AGBL1: variants seen among roughly 807,000 people sequenced by gnomAD.
The protein encoded by AGBL1 is cytosolic carboxypeptidase 4.
In AGBL1, 130 loss-of-function variants were observed where a neutral mutation model predicts 118.9. That is an observed-to-expected ratio of 1.09 (90% CI 0.95 to 1.26). The LOEUF (loss-of-function observed/expected upper bound fraction) is 1.26, where lower values mean the gene tolerates loss of function less well. Among genes scored for constraint, AGBL1 ranks in the 50% most tolerant of loss-of-function variants. The pLI is 0.00. For synonymous variants in AGBL1, 555 were observed against 478.9 expected, an observed-to-expected ratio of 1.16 and a Z score of -2.08; for missense variants, 1,584 against 1,298.1, an observed-to-expected ratio of 1.22 and a Z score of -3.38.
chr15:86,409,065 G>A (rs549883807), intron 18 of AGBL1, among the ~76,000 whole-genome samples: 1 of 152,192 alleles, frequency 6.6e-6, no homozygotes, highest in Admixed American at 6.5e-5. Flanking sequence ...AGAAGTAACT[G>A]TTTTCTGCCT....
At chr15:86,848,353 G>A (rs1360839587) in intron 22 of AGBL1, among the ~76,000 whole-genome samples, 1 of 152,152 alleles carries the variant, frequency 6.6e-6, no homozygotes, top group Non-Finnish European at 1.5e-5. Flanking sequence ...TAAAAACTGT[G>A]CCATATTAGA....
rs183811994 is a variant in AGBL1 at position 86,399,824 on chromosome 15, T to A, written c.2555+2278T>A. Among the ~76,000 whole-genome samples the A allele has an allele frequency of 6.1e-3, 928 of 152,316 alleles. 8 individuals carry two copies. The highest frequency in any genetic ancestry group is 0.021 in the African/African-American group (889 of 41,572). ...TTCTCCTTAGTGACACTGGCATTTA[T>A]CATCATTACCATTATTTATTATGAT... On this transcript the variant is annotated intron_variant, in intron 18 of 22. Transcript: ENST00000614907.
intron 21 of AGBL1, among the ~76,000 whole-genome samples, chr15:86,576,447 G>C (rs1171781243): frequency 6.6e-6 from 1 of 152,206 alleles, no homozygotes; most frequent in East Asian, 1.9e-4. Context: ...CAGCTGGATT[G>C]GTTATAGCTT....
In AGBL1 at chr15:86,257,002, A is replaced by G. The variant is rs2078907166; in HGVS notation, c.885A>G (p.Pro295=). 3.1e-6 allele frequency: 5 copies of G among 1,613,738 alleles called. No individual in the cohort carries two copies. The highest frequency in any genetic ancestry group is 4.2e-6 in the Non-Finnish European group (5 of 1,179,828). ...CCGGGTGCATCACCACTGAACCTCC[A>G]CATGATCTACCTGAAGGTAAAATAA... is the stretch of plus-strand genomic sequence containing the variant. The part of the protein sequence containing the change: ...PVPGCITTEP[P]HDLPEEDFED... Residue 295 remains proline, a synonymous_variant, in exon 8 of 23, where the codon CCA becomes CCG. Transcript: ENST00000614907.
chr15:86,265,694 C>T (rs1017292654), intron 11 of AGBL1, among the ~76,000 whole-genome samples: 1 of 152,180 alleles, frequency 6.6e-6, no homozygotes, highest in Non-Finnish European at 1.5e-5. Context: ...AAACAGATCA[C>T]AAGGGCTGTT....
At chr15:86,890,963 A>G (rs1364537153) in intron 22 of AGBL1, among the ~76,000 whole-genome samples, 1 of 152,186 alleles carries the variant, frequency 6.6e-6, no homozygotes, top group Non-Finnish European at 1.5e-5. Flanking sequence ...TGGAAATAGC[A>G]TTGAATCTAT....
At chr15:86,431,532 A>G (rs2081935838) in intron 18 of AGBL1, among the ~76,000 whole-genome samples, 1 of 152,226 alleles carries the variant, frequency 6.6e-6, no homozygotes, top group African/African-American at 2.4e-5. Flanking sequence ...TTCTGTCTCC[A>G]TAGGACAAAG....
intron 1 of AGBL1, among the ~76,000 whole-genome samples, chr15:86,100,287 T>C (rs1258250705): frequency 2.6e-5 from 4 of 152,160 alleles, no homozygotes; most frequent in African/African-American, 7.2e-5. Flanking sequence ...GCATGCAGTG[T>C]TCTTTTTCTG....
intron 18 of AGBL1, among the ~76,000 whole-genome samples, chr15:86,440,724 A>T (rs1331865326): frequency 6.6e-6 from 1 of 152,134 alleles, no homozygotes; most frequent in East Asian, 1.9e-4. Flanking sequence ...TGCCTTTGAC[A>T]TGGTCTCCTG....
chr15:86,521,984 C>T lies in AGBL1; in HGVS notation c.2556-826C>T, dbSNP rs189510469. On this transcript the variant is annotated intron_variant, in intron 18 of 22. Transcript: ENST00000614907. ...ACTGGGAATGTGTCCTGTGCAGGGGCTGCCCTTGGTAATCTCTGGTGGTTG... is the reference window on the plus strand; with the variant it reads ...ACTGGGAATGTGTCCTGTGCAGGGGTTGCCCTTGGTAATCTCTGGTGGTTG... Among the ~76,000 whole-genome samples, 23 of 152,212 alleles carry T rather than the reference C, an allele frequency of 1.5e-4. No individual in the cohort carries two copies. The East Asian group carries it at 4.1e-3, about 27-fold the overall frequency.
intron 17 of AGBL1, among the ~76,000 whole-genome samples, chr15:86,388,139 C>A (rs974989812): frequency 1.3e-5 from 2 of 152,150 alleles, no homozygotes; most frequent in African/African-American, 4.8e-5. Flanking sequence ...TGCAGACAAA[C>A]CCTGCTCATC....
intron 22 of AGBL1, among the ~76,000 whole-genome samples, chr15:86,739,483 A>AT (rs1464833714): frequency 6.6e-6 from 1 of 150,604 alleles, no homozygotes; most frequent in Non-Finnish European, 1.5e-5. Context: ...AGAAAAAAAA[A>AT]TTTTTCACAG....
intron 21 of AGBL1, among the ~76,000 whole-genome samples, chr15:86,607,119 C>T (rs893402691): frequency 1.2e-4 from 19 of 152,114 alleles, no homozygotes; most frequent in African/African-American, 4.3e-4. Context: ...TTTAAAGTTC[C>T]TCCATTTCTT....
At chr15:86,755,878 C>T (rs1381980297) in intron 22 of AGBL1, among the ~76,000 whole-genome samples, 2 of 152,074 alleles carry the variant, frequency 1.3e-5, no homozygotes, top group Non-Finnish European at 2.9e-5. Context: ...GGAGACTCTA[C>T]CAGGGCAATC....
intron 7 of AGBL1, 26 bp downstream of exon 7, chr15:86,247,905 C>T (rs747789108): frequency 1.5e-4 from 241 of 1,610,522 alleles, no homozygotes; most frequent in Non-Finnish European, 2.0e-4. Flanking sequence ...ATTCACTCTG[C>T]AGCTGGAGGC....
At chr15:86,715,592 A>T (rs1054879514) in intron 22 of AGBL1, among the ~76,000 whole-genome samples, 1 of 152,154 alleles carries the variant, frequency 6.6e-6, no homozygotes, top group Non-Finnish European at 1.5e-5. Context: ...TATTAAGCTT[A>T]TTCTCTGAAA....
chr15:86,359,154 C>T (rs1254417816), intron 17 of AGBL1, among the ~76,000 whole-genome samples: 3 of 151,686 alleles, frequency 2.0e-5, no homozygotes, highest in African/African-American at 7.3e-5. Flanking sequence ...TAGATTCATG[C>T]CTTGTGTCTA....
rs150415492 is a variant in AGBL1, at chr15:86,665,420, C to T, written c.2995-8853C>T. 5.0e-3 allele frequency among the ~76,000 whole-genome samples: 762 copies of T among 152,018 alleles called. 4 individuals carry two copies. Among genetic ancestry groups the T allele is most frequent in the African/African-American group, 0.017 (714 of 41,448 alleles). On this transcript the variant is annotated intron_variant, in intron 21 of 22. Coordinates refer to ENST00000614907, the MANE Select transcript of AGBL1 (RefSeq NM_001386094.1). The stretch of plus-strand genomic sequence containing the variant: ...CTGTTTCCAGTCCATTTCCAGGAGA[C>T]GATTATGATTTGGGGCTGAGAGTAA...
At chr15:86,110,613 C>T (rs185787826) in intron 1 of AGBL1, among the ~76,000 whole-genome samples, 1 of 152,000 alleles carries the variant, frequency 6.6e-6, no homozygotes, top group African/African-American at 2.4e-5. Flanking sequence ...CCATGCTGTC[C>T]AAGGGCCAAC....
Sources: gnomAD v4.1 joint callset for allele counts (sites outside exome capture counted in the v4.1 genomes callset) on GRCh38, gnomAD v4.1.1 for gene constraint, MANE v1.5 for transcripts, NCBI Gene and HGNC (gene_info 2026-07-23, HGNC 2026-07-21) for gene names.